Variants in SLC25A37 observed in about 807,000 individuals in gnomAD.
The protein encoded by SLC25A37 is solute carrier family 25 member 37, also known as mitoferrin-1.
Under a neutral mutation model 31.0 loss-of-function variants are expected in SLC25A37, and 17 were observed. That is an observed-to-expected ratio of 0.55 (90% confidence interval 0.38 to 0.82). The LOEUF (loss-of-function observed/expected upper bound fraction) is 0.82. SLC25A37 is among the 40% of genes least tolerant of loss of function. SLC25A37 has a pLI of 0.00. For synonymous variants in SLC25A37, 222 were observed against 193.0 expected (o/e 1.15, Z -1.24); for missense variants, 404 against 465.8 (o/e 0.87, Z 1.22).
chr8:23,531,150 C>G (rs1801653334), intron 1 of SLC25A37, among the ~76,000 whole-genome samples: 1 of 152,132 alleles, frequency 6.6e-6, no homozygotes, highest in Non-Finnish European at 1.5e-5. Flanking sequence ...CCTTAGGGGC[C>G]CTTCCATGCT....
At chr8:23,536,104 G>T (rs1367820858) in intron 1 of SLC25A37, among the ~76,000 whole-genome samples, 1 of 152,122 alleles carries the variant, frequency 6.6e-6, no homozygotes, top group African/African-American at 2.4e-5. Context: ...TGTCATTTTT[G>T]TCCCCTCACT....
At chr8:23,556,230 ATTTT>A (rs10687321) in intron 1 of SLC25A37, among the ~76,000 whole-genome samples, 1 of 139,952 alleles carries the variant, frequency 7.1e-6, no homozygotes. Flanking sequence ...AAGAGCACCA[ATTTT>A]TTTTTTTTTT....
At chr8:23,547,524 C>G (rs1377940345) in intron 1 of SLC25A37, among the ~76,000 whole-genome samples, 1 of 152,184 alleles carries the variant, frequency 6.6e-6, no homozygotes, top group African/African-American at 2.4e-5. Context: ...GGGAACTCAC[C>G]AGTTCTAAAA....
intron 1 of SLC25A37, among the ~76,000 whole-genome samples, chr8:23,564,379 A>G (rs559188190): frequency 2.7e-5 from 4 of 146,486 alleles, no homozygotes; most frequent in African/African-American, 1.0e-4. Flanking sequence ...TATATGTAGG[A>G]TTAGATTTTT....
At chr8:23,547,972 G>T (rs999428717) in intron 1 of SLC25A37, among the ~76,000 whole-genome samples, 1 of 152,236 alleles carries the variant, frequency 6.6e-6, no homozygotes, top group East Asian at 1.9e-4. Flanking sequence ...TCATCCAGGG[G>T]TCAGCCGGCA....
chr8:23,537,618 C>T (rs1302693613), intron 1 of SLC25A37, among the ~76,000 whole-genome samples: 1 of 152,182 alleles, frequency 6.6e-6, no homozygotes, highest in Non-Finnish European at 1.5e-5. Flanking sequence ...TTCTGCCTCC[C>T]TTGCAGGTCG....
At chr8:23,550,730 C>T (rs945548059) in intron 1 of SLC25A37, among the ~76,000 whole-genome samples, 2 of 152,348 alleles carry the variant, frequency 1.3e-5, no homozygotes, top group Middle Eastern at 6.8e-3. Context: ...GTCCATCTTA[C>T]CTAGGTGTAC....
chr8:23,569,825 G>T (rs1263481966), intron 3 of SLC25A37, among the ~76,000 whole-genome samples: 1 of 152,210 alleles, frequency 6.6e-6, no homozygotes, highest in East Asian at 1.9e-4. Context: ...CAGGCCTTCA[G>T]CTGGGTCATT....
At chr8:23,555,030 T>A (rs1300881836) in intron 1 of SLC25A37, among the ~76,000 whole-genome samples, 4 of 152,140 alleles carry the variant, frequency 2.6e-5, no homozygotes, top group Non-Finnish European at 5.9e-5. Context: ...ACCCTACCTT[T>A]CTTCCAGCAA....
chr8:23,566,153 A>G lies in SLC25A37; in HGVS notation c.256A>G (p.Ser86Gly), dbSNP rs1397600111. ...TCCAGATCCCAAAGCCCAGTACACA[A>G]GTATCTACGGAGCCCTCAAGAAAAT... ...LSPDPKAQYT[S>G]IYGALKKIMR... The change falls in exon 2 of 4, where the codon AGT becomes GGT. Residue 86 changes from serine to glycine, a missense_variant. Ser to Gly is a moderately conservative substitution (Grantham distance 56, BLOSUM62 0). This residue lies in a region of SLC25A37 where 154 missense variants were observed against 153.6 expected (regional missense o/e 1.00). Coordinates refer to ENST00000519973, the MANE Select transcript of SLC25A37 (RefSeq NM_016612.4). The G allele has an allele frequency of 1.1e-5, 18 of 1,604,086 alleles. No homozygotes were observed. Among genetic ancestry groups the G allele is most frequent in the Non-Finnish European group, 1.4e-5 (17 of 1,176,854 alleles).
chr8:23,560,997 G>T (rs1802500506), intron 1 of SLC25A37, among the ~76,000 whole-genome samples: 1 of 152,176 alleles, frequency 6.6e-6, no homozygotes, highest in Non-Finnish European at 1.5e-5. Context: ...TAGTGAATCT[G>T]CATTTTACAT....
intron 1 of SLC25A37, among the ~76,000 whole-genome samples, chr8:23,546,968 G>T (rs1183036028): frequency 6.6e-6 from 1 of 152,094 alleles, no homozygotes; most frequent in Non-Finnish European, 1.5e-5. Context: ...CCCCCCACAG[G>T]CTTCTGGGAG....
chr8:23,557,812 A>G, intron 1 of SLC25A37, among the ~76,000 whole-genome samples: 1 of 152,206 alleles, frequency 6.6e-6, no homozygotes, highest in East Asian at 1.9e-4. Context: ...CAGACAAGAG[A>G]AAACACTGGT....
chr8:23,568,594 C>T (rs1324945562), intron 3 of SLC25A37: 9 of 577,806 alleles, frequency 1.6e-5, no homozygotes, highest in Non-Finnish European at 2.8e-5. Flanking sequence ...CGGAGCTACT[C>T]AAAGTGTGTT....
intron 1 of SLC25A37, among the ~76,000 whole-genome samples, chr8:23,542,530 C>T (rs1348800804): frequency 6.6e-6 from 1 of 151,954 alleles, no homozygotes. Context: ...CAGGCATGCA[C>T]CGCCACGCAC....
intron 3 of SLC25A37, among the ~76,000 whole-genome samples, chr8:23,569,698 T>G (rs1385541692): frequency 1.3e-5 from 2 of 152,118 alleles, no homozygotes; most frequent in African/African-American, 4.8e-5. Context: ...ATTTCGGGGG[T>G]AATATGAAGC....
chr8:23,547,978 C>T (rs951331162), intron 1 of SLC25A37, among the ~76,000 whole-genome samples: 1 of 152,084 alleles, frequency 6.6e-6, no homozygotes, highest in Non-Finnish European at 1.5e-5. Flanking sequence ...AGGGGTCAGC[C>T]GGCATGGCCA....
chr8:23,540,785 T>A (rs1370926689), intron 1 of SLC25A37, among the ~76,000 whole-genome samples: 2 of 152,192 alleles, frequency 1.3e-5, no homozygotes, highest in Non-Finnish European at 2.9e-5. Context: ...TTTTCTTATC[T>A]GAAATAAGGA....
At chr8:23,533,324 G>A (rs1801698717) in intron 1 of SLC25A37, among the ~76,000 whole-genome samples, 1 of 152,168 alleles carries the variant, frequency 6.6e-6, no homozygotes, top group Non-Finnish European at 1.5e-5. Context: ...TTTTTAGTAG[G>A]GAGAGGTATT....
Sources: allele counts gnomAD v4.1 joint callset (sites outside exome capture counted in the v4.1 genomes callset), GRCh38; gene constraint gnomAD v4.1.1; regional missense constraint gnomAD v4.1.1; transcripts MANE v1.5; gene names NCBI Gene and HGNC (gene_info 2026-07-23, HGNC 2026-07-21).